ZFAND3: variants seen among roughly 807,000 people sequenced by gnomAD.
ZFAND3 encodes zinc finger AN1-type containing 3.
ZFAND3 carries 10 observed loss-of-function variants against 29.6 expected under a neutral mutation model. The observed-to-expected ratio is 0.34, with a 90% CI of 0.21 to 0.57. ZFAND3 has a LOEUF of 0.57. Among genes scored for constraint, ZFAND3 ranks in the 20% least tolerant of loss-of-function variants. The pLI, the probability that ZFAND3 is intolerant of heterozygous loss-of-function variation, is 0.86. For missense variants in ZFAND3, 230 were observed against 304.5 expected (o/e 0.76, Z 1.82); for synonymous variants, 128 against 112.6 (o/e 1.14, Z -0.87).
At chr6:37,930,207 C>A (rs151285625) in intron 2 of ZFAND3, among the ~76,000 whole-genome samples, 1 of 152,090 alleles carries the variant, frequency 6.6e-6, no homozygotes, top group Non-Finnish European at 1.5e-5. Context: ...TGAATGAAAT[C>A]CTATCTCCTA....
intron 2 of ZFAND3, among the ~76,000 whole-genome samples, chr6:37,961,261 C>T (rs1165114989): frequency 6.6e-6 from 1 of 152,140 alleles, no homozygotes; most frequent in Non-Finnish European, 1.5e-5. Context: ...AGGTGAGGCT[C>T]CTCTGCCTTT....
intron 2 of ZFAND3, among the ~76,000 whole-genome samples, chr6:38,041,700 C>T (rs1254181169): frequency 0.027 from 6 of 220 alleles, no homozygotes; most frequent in Non-Finnish European, 0.02. Flanking sequence ...TCTCCTTCTC[C>T]TCCTCCTCCT....
intron 1 of ZFAND3, among the ~76,000 whole-genome samples, chr6:37,854,775 C>T (rs1166560111): frequency 3.3e-5 from 4 of 121,080 alleles, no homozygotes; most frequent in South Asian, 6.1e-4. Flanking sequence ...CCCCCCCCCC[C>T]CTTTTTTTTT....
chr6:38,000,091 A>G (rs1310993601), intron 2 of ZFAND3, among the ~76,000 whole-genome samples: 1 of 152,192 alleles, frequency 6.6e-6, no homozygotes, highest in Admixed American at 6.5e-5. Flanking sequence ...AATTGCTTTT[A>G]CTTATCCCCC....
intron 2 of ZFAND3, among the ~76,000 whole-genome samples, chr6:37,961,992 A>G (rs913840113): frequency 3.9e-5 from 6 of 152,204 alleles, no homozygotes; most frequent in Non-Finnish European, 1.5e-5. Context: ...TGAGGAAAAC[A>G]TGATCTTACC....
At chr6:38,140,695 G>A (rs1350108037) in intron 5 of ZFAND3, among the ~76,000 whole-genome samples, 1 of 152,082 alleles carries the variant, frequency 6.6e-6, no homozygotes, top group Non-Finnish European at 1.5e-5. Context: ...GTAACCATTA[G>A]GTGAAGTCAT....
At chr6:37,907,237 G>C (rs944098023) in intron 1 of ZFAND3, among the ~76,000 whole-genome samples, 2 of 151,698 alleles carry the variant, frequency 1.3e-5, no homozygotes, top group Admixed American at 6.6e-5. Context: ...CAGCTTTACT[G>C]AGGTGTAATT....
chr6:37,874,242 G>A (rs1307278345), intron 1 of ZFAND3, among the ~76,000 whole-genome samples: 2 of 152,116 alleles, frequency 1.3e-5, no homozygotes, highest in Non-Finnish European at 2.9e-5. Context: ...TTGGCCGGAC[G>A]TGGTGGCTCA....
At chr6:38,020,819 C>G (rs572644946) in intron 2 of ZFAND3, among the ~76,000 whole-genome samples, 4 of 152,282 alleles carry the variant, frequency 2.6e-5, no homozygotes, top group Non-Finnish European at 4.4e-5. Flanking sequence ...CCACTACTTT[C>G]CACCTCTCGT....
chr6:37,884,494 CAAAAAAAAAAAAAA>C lies in ZFAND3; in HGVS notation c.72-45453_72-45440del, dbSNP rs58015486. Among the ~76,000 whole-genome samples, 5 of 53,846 alleles carry C rather than the reference CAAAAAAAAAAAAAA, an allele frequency of 9.3e-5. 1 individual carries two copies. The highest frequency in any genetic ancestry group is 2.2e-4 in the Admixed American group (1 of 4,568). 35.3% of individuals were successfully genotyped at this position (53,846 alleles called of 152,430 possible). Reference sequence around the variant, plus strand: ...GGGCAAAAAGAGCGAAACTCTAGCTCAAAAAAAAAAAAAAAAAAAAAAAAAGAATTACATCAGGT... The same window carrying C: ...GGGCAAAAAGAGCGAAACTCTAGCTCAAAAAAAAAAAGAATTACATCAGGT... On this transcript the variant is annotated intron_variant, in intron 1 of 5. Transcript: ENST00000287218.
chr6:38,062,127 T>G (rs1302133569), intron 3 of ZFAND3, among the ~76,000 whole-genome samples: 3 of 152,182 alleles, frequency 2.0e-5, no homozygotes, highest in Non-Finnish European at 2.9e-5. Flanking sequence ...TCTGTTATTT[T>G]TAACTCCGCA....
chr6:37,897,562 T>C (rs1442321173), intron 1 of ZFAND3, among the ~76,000 whole-genome samples: 1 of 152,230 alleles, frequency 6.6e-6, no homozygotes, highest in Non-Finnish European at 1.5e-5. Flanking sequence ...AGGTTATCAA[T>C]GCTAAGCTTT....
intron 5 of ZFAND3, among the ~76,000 whole-genome samples, chr6:38,128,400 G>A (rs745859715): frequency 6.6e-6 from 1 of 152,048 alleles, no homozygotes; most frequent in African/African-American, 2.4e-5. Flanking sequence ...AAATTCTTTA[G>A]TGGTAATTTG....
At chr6:38,091,265 G>A (rs1224642667) in intron 4 of ZFAND3, among the ~76,000 whole-genome samples, 1 of 151,666 alleles carries the variant, frequency 6.6e-6, no homozygotes, top group Non-Finnish European at 1.5e-5. Flanking sequence ...AAGTCAGTTT[G>A]CATCAGTCCA....
At chr6:38,091,100 A>G (rs1764859383) in intron 4 of ZFAND3, among the ~76,000 whole-genome samples, 1 of 152,226 alleles carries the variant, frequency 6.6e-6, no homozygotes, top group Admixed American at 6.5e-5. Context: ...GATGCAGTCT[A>G]GTCAAGAGGA....
intron 5 of ZFAND3, among the ~76,000 whole-genome samples, chr6:38,118,764 G>GAAA (rs60723647): frequency 0.024 from 3,312 of 139,640 alleles, 54 homozygotes; most frequent in Middle Eastern, 0.029. Context: ...TGAAAAAAAA[G>GAAA]AAAAAAAAAA....
intron 2 of ZFAND3, among the ~76,000 whole-genome samples, chr6:37,936,999 C>T (rs1761710085): frequency 6.6e-6 from 1 of 152,170 alleles, no homozygotes; most frequent in Non-Finnish European, 1.5e-5. Context: ...AACAAATTCC[C>T]ATTTCATACC....
intron 2 of ZFAND3, among the ~76,000 whole-genome samples, chr6:37,969,461 GCAAAAATCATGTAA>G (rs1386589995): frequency 6.6e-6 from 1 of 152,110 alleles, no homozygotes; most frequent in African/African-American, 2.4e-5. Context: ...CTATAGTCGG[GCAAAAATCATGTAA>G]CAGAAAGCCT....
intron 1 of ZFAND3, among the ~76,000 whole-genome samples, chr6:37,858,121 T>C (rs746806925): frequency 1.3e-5 from 2 of 152,186 alleles, no homozygotes; most frequent in Non-Finnish European, 2.9e-5. Flanking sequence ...TTGGATAGTT[T>C]GCTAACATTC....
Sources: allele counts gnomAD v4.1 joint callset (sites outside exome capture counted in the v4.1 genomes callset), GRCh38; gene constraint gnomAD v4.1.1; transcripts MANE v1.5; gene names NCBI Gene and HGNC (gene_info 2026-07-23, HGNC 2026-07-21).